SPAST: variants seen among roughly 807,000 people sequenced by gnomAD.
SPAST encodes spastin, also known as spastic paraplegia 4 (autosomal dominant; spastin).
A neutral mutation model predicts 76.6 loss-of-function variants in SPAST; 30 were observed. The observed-to-expected ratio is 0.39, with a 90% CI of 0.29 to 0.53. The LOEUF (loss-of-function observed/expected upper bound fraction) is 0.53, where lower values mean the gene tolerates loss of function less well. SPAST is among the 20% of genes least tolerant of loss of function. The pLI, the probability that SPAST is intolerant of heterozygous loss-of-function variation, is 0.68. For missense variants in SPAST, 717 were observed against 770.5 expected (o/e 0.93, Z 0.82); for synonymous variants, 305 against 281.0 (o/e 1.09, Z -0.86).
intron 4 of SPAST, among the ~76,000 whole-genome samples, chr2:32,110,300 A>G (rs943225126): frequency 2.7e-5 from 4 of 148,920 alleles, no homozygotes; most frequent in Admixed American, 2.0e-4. Context: ...TTGTATCTTT[A>G]GTAGAAATGG....
At chr2:32,100,486 G>A (rs947242245) in intron 4 of SPAST, among the ~76,000 whole-genome samples, 6 of 151,458 alleles carry the variant, frequency 4.0e-5, no homozygotes, top group Non-Finnish European at 5.9e-5. Flanking sequence ...TACACTTTAC[G>A]TTCTAGGGTG....
At position 32,140,770 on chromosome 2, in the gene SPAST, TA is replaced by T. The variant is rs1239756494; in HGVS notation, c.1494-1126del. ...CATATCTATAAAAAAAACTTAAGGA[TA>T]AAAAAAATTAAATTTTTAAAAAATT... On this transcript the variant is annotated intron_variant, in intron 12 of 16. Coordinates refer to ENST00000315285, the MANE Select transcript of SPAST (RefSeq NM_014946.4). Among the ~76,000 whole-genome samples, 9 of 141,462 alleles carry T rather than the reference TA, an allele frequency of 6.4e-5. No individual in the cohort carries two copies. In the East Asian group the frequency reaches 1.2e-3, roughly 18 times the overall value. 92.8% of individuals were successfully genotyped at this position (141,462 alleles called of 152,430 possible).
intron 14 of SPAST, among the ~76,000 whole-genome samples, chr2:32,143,892 T>C (rs558253632): frequency 1.3e-5 from 2 of 152,324 alleles, no homozygotes; most frequent in Admixed American, 1.3e-4. Context: ...ACATTTCATA[T>C]TGCACACTAA....
chr2:32,116,079 C>T, intron 6 of SPAST, 40 bp from the exon 7 acceptor site: 1 of 1,408,668 alleles, frequency 7.1e-7, no homozygotes, highest in South Asian at 1.2e-5. Context: ...TAACTGGGCC[C>T]TGTTTGTATC....
At chr2:32,106,576 C>T (rs766287301) in intron 4 of SPAST, among the ~76,000 whole-genome samples, 114 of 152,162 alleles carry the variant, frequency 7.5e-4, no homozygotes, top group Admixed American at 1.2e-3. Context: ...CCTATTTGGC[C>T]ATCTTGGAAC....
intron 1 of SPAST, 112 bp downstream of exon 1, chr2:32,064,358 G>A: frequency 1.0e-6 from 1 of 1,001,646 alleles, no homozygotes; most frequent in Non-Finnish European, 1.5e-6. Context: ...GTGCACCCCC[G>A]GAATTGATAT....
At chr2:32,068,668 A>G (rs1021094817) in intron 1 of SPAST, among the ~76,000 whole-genome samples, 6 of 152,144 alleles carry the variant, frequency 3.9e-5, no homozygotes, top group Non-Finnish European at 7.3e-5. Context: ...CTGATGCCGT[A>G]ATATGCCAAA....
chr2:32,154,235 C>A, intron 16 of SPAST, 139 bp from the exon 17 acceptor site: 1 of 700,158 alleles, frequency 1.4e-6, no homozygotes, highest in Non-Finnish European at 2.4e-6. Context: ...AAATGGCTGA[C>A]ATAATTTTCT....
chr2:32,107,706 G>A (rs1159919083), intron 4 of SPAST, among the ~76,000 whole-genome samples: 3 of 152,102 alleles, frequency 2.0e-5, no homozygotes, highest in African/African-American at 7.2e-5. Flanking sequence ...AGCAGTTCTG[G>A]TCCCAAGCAT....
chr2:32,121,604 G>A (rs1217519360), intron 7 of SPAST, among the ~76,000 whole-genome samples: 2 of 137,280 alleles, frequency 1.5e-5, no homozygotes, highest in East Asian at 2.2e-4. Flanking sequence ...GCAGTGGTGC[G>A]ATCTCAGCTC....
At chr2:32,120,058 G>C (rs1196496492) in intron 7 of SPAST, among the ~76,000 whole-genome samples, 3 of 149,652 alleles carry the variant, frequency 2.0e-5, no homozygotes, top group Non-Finnish European at 4.4e-5. Flanking sequence ...CAGTCTCGCT[G>C]TGTTCTCCAG....
intron 4 of SPAST, among the ~76,000 whole-genome samples, chr2:32,109,260 C>T (rs1285063964): frequency 6.6e-6 from 1 of 151,892 alleles, no homozygotes; most frequent in East Asian, 1.9e-4. Context: ...AGGTGTGTGC[C>T]ACCATGATCA....
intron 7 of SPAST, among the ~76,000 whole-genome samples, chr2:32,124,010 A>AG (rs1213519619): frequency 2.0e-5 from 3 of 152,090 alleles, no homozygotes; most frequent in African/African-American, 7.2e-5. Context: ...CTTGAAAAAA[A>AG]AAATCAGTAT....
rs1678808584 is a variant in SPAST, at chr2:32,115,786, A to C, written c.955A>C (p.Asn319His). ...GAAAAAAGACTTGAAGAATTTTAGG[A>C]ATGTGGACAGCAACCTTGCTAACCT... ...RKKKDLKNFR[N>H]VDSNLANLIM... Residue 319 changes from asparagine to histidine, a missense_variant, in exon 6 of 17, where the codon AAT becomes CAT. By Grantham distance (68) the Asn-to-His change is moderately conservative. Transcript: ENST00000315285. The C allele has an allele frequency of 6.8e-6, 11 of 1,611,994 alleles. No individual in the cohort carries two copies. The highest frequency in any genetic ancestry group is 9.3e-6 in the Non-Finnish European group (11 of 1,178,408).
chr2:32,097,442 T>G (rs1232929137), intron 3 of SPAST, among the ~76,000 whole-genome samples: 1 of 152,172 alleles, frequency 6.6e-6, no homozygotes, highest in African/African-American at 2.4e-5. Context: ...TATTATCAGT[T>G]TCTCTGGGTC....
intron 4 of SPAST, among the ~76,000 whole-genome samples, chr2:32,101,072 C>T (rs904216385): frequency 4.6e-5 from 7 of 152,200 alleles, no homozygotes; most frequent in Admixed American, 4.6e-4. Flanking sequence ...TTTACGTTCC[C>T]ATCAACAGTG....
At chr2:32,101,093 C>T (rs1014518204) in intron 4 of SPAST, among the ~76,000 whole-genome samples, 1 of 152,162 alleles carries the variant, frequency 6.6e-6, no homozygotes, top group African/African-American at 2.4e-5. Context: ...TAAAAGTGTT[C>T]CTGTTTCTCC....
chr2:32,105,555 A>G (rs1003921543), intron 4 of SPAST, among the ~76,000 whole-genome samples: 3 of 152,126 alleles, frequency 2.0e-5, no homozygotes, highest in African/African-American at 4.8e-5. Flanking sequence ...TAGAATTTTC[A>G]GCTTTTCTGC....
rs11431890 is a variant in SPAST at position 32,117,531 on chromosome 2, C to CTTT, written c.1098+1334_1098+1336dup. 1.3e-4 allele frequency among the ~76,000 whole-genome samples: 16 copies of CTTT among 127,562 alleles called. 1 individual carries two copies. Among genetic ancestry groups the CTTT allele is most frequent in the African/African-American group, 2.6e-4 (9 of 34,188 alleles). 83.7% of individuals were successfully genotyped at this position (127,562 alleles called of 152,430 possible). On this transcript the variant is annotated intron_variant, in intron 7 of 16. Transcript: ENST00000315285. ...AAAGAGGAATTCAGGTAGAATAATTCTTTTTTTTTTTTTTTTTGAGATGGA... is the reference window on the plus strand; with the variant it reads ...AAAGAGGAATTCAGGTAGAATAATTCTTTTTTTTTTTTTTTTTTTTGAGATGGA...
Sources: allele counts gnomAD v4.1 joint callset (sites outside exome capture counted in the v4.1 genomes callset), GRCh38; gene constraint gnomAD v4.1.1; transcripts MANE v1.5; gene names NCBI Gene and HGNC (gene_info 2026-07-23, HGNC 2026-07-21).